Variants in IARS1 observed in about 807,000 individuals in gnomAD.
The protein encoded by IARS1 is isoleucine--tRNA ligase, cytoplasmic.
In IARS1, 124 loss-of-function variants were observed where a neutral mutation model predicts 168.2. That is an observed-to-expected ratio of 0.74 (90% confidence interval 0.64 to 0.86). The LOEUF (loss-of-function observed/expected upper bound fraction) is 0.86, where lower values mean the gene tolerates loss of function less well. Among genes scored for constraint, IARS1 ranks in the 40% least tolerant of loss-of-function variants. IARS1 has a pLI of 0.00. For synonymous variants in IARS1, 532 were observed against 529.4 expected (o/e 1.00, Z -0.07); for missense variants, 1,452 against 1,515.8 (o/e 0.96, Z 0.70).
intron 25 of IARS1, among the ~76,000 whole-genome samples, chr9:92,249,289 T>C (rs1359591742): frequency 2.0e-5 from 3 of 152,226 alleles, no homozygotes; most frequent in East Asian, 3.9e-4. Flanking sequence ...CAGTGGCTCA[T>C]GCCTGTAATC....
At chr9:92,275,028 T>C (rs1394346109) in intron 9 of IARS1, among the ~76,000 whole-genome samples, 1 of 152,210 alleles carries the variant, frequency 6.6e-6, no homozygotes, top group African/African-American at 2.4e-5. Context: ...ACCTTAATAC[T>C]CAGGGGAAAT....
chr9:92,259,062 G>C, intron 18 of IARS1, 64 bp from the exon 19 acceptor site: 1 of 1,360,088 alleles, frequency 7.4e-7, no homozygotes, highest in Admixed American at 2.4e-5. Flanking sequence ...ATTACTACTC[G>C]ACATATTGAG....
chr9:92,276,450 G>A (rs1411689540), intron 9 of IARS1, among the ~76,000 whole-genome samples: 1 of 152,186 alleles, frequency 6.6e-6, no homozygotes, highest in Non-Finnish European at 1.5e-5. Flanking sequence ...AACGCCTGTA[G>A]GGAGGAATGG....
At chr9:92,291,008 G>A (rs1836238131) in intron 1 of IARS1, among the ~76,000 whole-genome samples, 1 of 152,032 alleles carries the variant, frequency 6.6e-6, no homozygotes, top group Non-Finnish European at 1.5e-5. Context: ...TTTTTATGAA[G>A]GATGAGCCCT....
chr9:92,253,136 C>T (rs962894675), intron 21 of IARS1, among the ~76,000 whole-genome samples: 2 of 152,086 alleles, frequency 1.3e-5, no homozygotes, highest in African/African-American at 4.8e-5. Flanking sequence ...ATGACATGTA[C>T]ATAATTGTGT....
At chr9:92,221,703 G>A (rs879558164) in intron 33 of IARS1, among the ~76,000 whole-genome samples, 2 of 152,114 alleles carry the variant, frequency 1.3e-5, no homozygotes, top group African/African-American at 4.8e-5. Context: ...AGTGCAGGTC[G>A]CCATCCTTAA....
chr9:92,234,692 A>T lies in IARS1; in HGVS notation c.3284-5566T>A, dbSNP rs530814749. Among the ~76,000 whole-genome samples, 3 of 152,310 alleles carry T rather than the reference A, an allele frequency of 2.0e-5. 1 individual carries two copies. Among genetic ancestry groups the T allele is most frequent in the Admixed American group, 2.0e-4 (3 of 15,304 alleles). The stretch of plus-strand genomic sequence containing the variant: ...GTGATGGACCAGCTCAATGCCATAC[A>T]ACATCACTGAAGTTGCAAAGCAGTT... On this transcript the variant is annotated intron_variant, in intron 30 of 33. Transcript: ENST00000443024.
At chr9:92,283,195 C>T (rs1834910774) in intron 6 of IARS1, among the ~76,000 whole-genome samples, 3 of 152,160 alleles carry the variant, frequency 2.0e-5, no homozygotes, top group South Asian at 4.1e-4. Flanking sequence ...AAACCATGGC[C>T]CCTGGGCCAA....
chr9:92,217,537 A>G (rs558541236), intron 33 of IARS1, among the ~76,000 whole-genome samples: 4 of 148,404 alleles, frequency 2.7e-5, no homozygotes, highest in East Asian at 1.9e-4. Context: ...CAAGACTAAT[A>G]AAGAAAAAAA....
At position 92,247,449 on chromosome 9, in the gene IARS1, C is replaced by T. The variant is rs145983857; in HGVS notation, c.2719G>A (p.Gly907Arg). 1.2e-4 allele frequency: 201 copies of T among 1,614,064 alleles called. No individual in the cohort carries two copies. Among genetic ancestry groups the T allele is most frequent in the Non-Finnish European group, 1.6e-4 (191 of 1,180,042 alleles). ...DHMVLGKRLK[G>R]AFKAVMTSIK... Reference sequence around the variant, plus strand: ...GACGTCATCACTGCCTTAAAGGCTCCCTTCAGACGCTTCCCCAGGACCATG... The same window carrying T: ...GACGTCATCACTGCCTTAAAGGCTCTCTTCAGACGCTTCCCCAGGACCATG... Residue 907 changes from glycine (G) to arginine (R), a missense_variant, in exon 26 of 34, where the codon GGA (glycine) becomes AGA (arginine). Gly to Arg is a moderately radical substitution (Grantham distance 125). Transcript: ENST00000443024.
intron 33 of IARS1, among the ~76,000 whole-genome samples, chr9:92,219,167 T>C (rs1327834067): frequency 6.6e-6 from 1 of 152,088 alleles, no homozygotes; most frequent in Non-Finnish European, 1.5e-5. Flanking sequence ...AAACAAGCAA[T>C]GGGGAAAGGA....
chr9:92,272,864 C>CAAAAAAAAAAAAAA (rs869076663), intron 10 of IARS1, among the ~76,000 whole-genome samples: 137 of 56,678 alleles, frequency 2.4e-3, no homozygotes, highest in East Asian at 6.1e-3. Flanking sequence ...CAAAACAAAA[C>CAAAAAAAAAAAAAA]AAAAAAAAAA....
At position 92,243,277 on chromosome 9, in the gene IARS1, G is replaced by C; in HGVS notation, c.2939C>G (p.Ser980Ter). The change falls in exon 28 of 34, where the codon TCA becomes TGA. Residue 980 changes from serine (S) to a stop codon, truncating the protein, a stop_gained. Transcript: ENST00000443024. LOFTEE classifies it high-confidence loss of function. ...CCGAGCCATTCCTTCATCTACCATTGACTGGTCAGGAGTGACATCTAAGAG... is the reference window on the plus strand; with the variant it reads ...CCGAGCCATTCCTTCATCTACCATTCACTGGTCAGGAGTGACATCTAAGAG... Reference protein sequence around the residue: ...LVLLDVTPDQSMVDEGMAREV... With the variant: ...LVLLDVTPDQ 2.5e-6 allele frequency: 4 copies of C among 1,613,470 alleles called. No homozygotes were observed. Among genetic ancestry groups the C allele is most frequent in the Non-Finnish European group, 3.4e-6 (4 of 1,179,566 alleles).
chr9:92,230,934 T>C (rs1295389136), intron 30 of IARS1, among the ~76,000 whole-genome samples: 1 of 152,260 alleles, frequency 6.6e-6, no homozygotes, highest in East Asian at 1.9e-4. Flanking sequence ...ATTTTCTAAC[T>C]GGATTTTTCT....
chr9:92,269,822 G>T, intron 13 of IARS1, 63 bp downstream of exon 13: 1 of 1,096,456 alleles, frequency 9.1e-7, no homozygotes, highest in Non-Finnish European at 1.4e-6. Context: ...TGGGGGAAGT[G>T]TAAACCATAC....
intron 19 of IARS1, 146 bp downstream of exon 19, chr9:92,258,708 G>A (rs1272553992): frequency 1.1e-5 from 8 of 726,230 alleles, no homozygotes; most frequent in Non-Finnish European, 1.7e-5. Flanking sequence ...TGCATGTATG[G>A]CCTCCCCATG....
Position 92,210,247 on chromosome 9 carries a change from T to C in IARS1, c.*560A>G, listed in dbSNP as rs1156860490. 1 of 152,576 alleles carries C rather than the reference T, an allele frequency of 6.6e-6. No homozygotes were observed. Among genetic ancestry groups the C allele is most frequent in the East Asian group, 1.9e-4 (1 of 5,206 alleles). The allele number at this position is 152,576 out of a possible 1,614,324, so 9.5% of individuals were successfully genotyped here. ...TTATTAGATGTCTAGTCCACTGTCT[T>C]AATAAGAAACCACCATGAAGTTTTT... On this transcript the variant is annotated 3_prime_UTR_variant, in exon 34 of 34. Coordinates refer to ENST00000443024, the MANE Select transcript of IARS1 (RefSeq NM_002161.6).
chr9:92,260,268 A>G lies in IARS1; in HGVS notation c.1788-34T>C, dbSNP rs375555253. ...ACAAAAGGGAGATGCCAATTAAGTA[A>G]GTCAATATCACAGATGATCTTGTTT... On this transcript the variant is annotated intron_variant, in intron 17 of 33. Coordinates refer to ENST00000443024, the MANE Select transcript of IARS1 (RefSeq NM_002161.6). 1.0e-4 allele frequency: 128 copies of G among 1,244,688 alleles called. 1 individual carries two copies. The highest frequency in any genetic ancestry group is 1.4e-4 in the Non-Finnish European group (121 of 842,854). The allele number at this position is 1,244,688 out of a possible 1,614,324, so 77.1% of individuals were successfully genotyped here.
At chr9:92,259,921 C>T (rs1831277448) in intron 18 of IARS1, among the ~76,000 whole-genome samples, 1 of 152,178 alleles carries the variant, frequency 6.6e-6, no homozygotes, top group Admixed American at 6.5e-5. Context: ...CAACACCCAA[C>T]ACAGGTCCTC....
Sources: gnomAD v4.1 joint callset for allele counts (sites outside exome capture counted in the v4.1 genomes callset) on GRCh38, gnomAD v4.1.1 for gene constraint, MANE v1.5 for transcripts, NCBI Gene and HGNC (gene_info 2026-07-23, HGNC 2026-07-21) for gene names.